Variants in USP13 observed in about 807,000 individuals in gnomAD.
The protein encoded by USP13 is ubiquitin specific peptidase 13.
A neutral mutation model predicts 107.8 loss-of-function variants in USP13; 68 were observed. The ratio of observed to expected loss-of-function variants is 0.63; its 90% CI spans 0.52 to 0.77. The LOEUF (loss-of-function observed/expected upper bound fraction) is 0.77, where lower values mean the gene tolerates loss of function less well. USP13 is among the 30% of genes least tolerant of loss of function. The pLI is 0.00. For missense variants in USP13, 945 were observed against 1,093.3 expected (o/e 0.86, Z 1.91); for synonymous variants, 377 against 389.5 (o/e 0.97, Z 0.38).
intron 1 of USP13, among the ~76,000 whole-genome samples, chr3:179,662,052 T>G (rs1328291625): frequency 6.6e-6 from 1 of 152,146 alleles, no homozygotes; most frequent in Admixed American, 6.5e-5. Context: ...TCATGCCCTT[T>G]CCATGATTTT....
chr3:179,677,520 C>T (rs1032718033), intron 1 of USP13, among the ~76,000 whole-genome samples: 6 of 151,850 alleles, frequency 4.0e-5, no homozygotes, highest in African/African-American at 1.2e-4. Flanking sequence ...GTGGAGGTTG[C>T]GTTGAGCCAA....
At chr3:179,666,457 A>T (rs1323555225) in intron 1 of USP13, among the ~76,000 whole-genome samples, 1 of 152,194 alleles carries the variant, frequency 6.6e-6, no homozygotes, top group Non-Finnish European at 1.5e-5. Flanking sequence ...GATTAGGGCG[A>T]GTAGGCTGTG....
intron 17 of USP13, 103 bp downstream of exon 17, chr3:179,761,358 G>C: frequency 7.0e-7 from 1 of 1,431,348 alleles, no homozygotes; most frequent in Admixed American, 2.3e-5. Flanking sequence ...CCTAGAAAAT[G>C]ACTTTATAGT....
In USP13 at chr3:179,655,719, T is replaced by C. The variant is rs374787275; in HGVS notation, c.168+2326T>C. On this transcript the variant is annotated intron_variant, in intron 1 of 20. Transcript: ENST00000263966. ...ACAGGCGTGTGCCACCACACCTGGCTAGTTTTGTATTTTTAGTAGAGGTGG... is the reference window on the plus strand; with the variant it reads ...ACAGGCGTGTGCCACCACACCTGGCCAGTTTTGTATTTTTAGTAGAGGTGG... Among the ~76,000 whole-genome samples, 5 of 151,966 alleles carry C rather than the reference T, an allele frequency of 3.3e-5. No individual in the cohort carries two copies. The East Asian group carries it at 7.7e-4, about 23-fold the overall frequency.
intron 13 of USP13, among the ~76,000 whole-genome samples, chr3:179,746,466 T>G (rs1166804195): frequency 6.6e-6 from 1 of 151,666 alleles, no homozygotes; most frequent in Non-Finnish European, 1.5e-5. Flanking sequence ...GAGTTTTGCT[T>G]TTGTTGCCCA....
At chr3:179,745,521 T>TCTTCCTTTCTTC (rs1338439961) in intron 13 of USP13, among the ~76,000 whole-genome samples, 30 of 148,896 alleles carry the variant, frequency 2.0e-4, no homozygotes, top group Admixed American at 7.3e-4. Context: ...TTCCTTTCTT[T>TCTTCCTTTCTTC]CTTCCTTTCT....
intron 8 of USP13, among the ~76,000 whole-genome samples, chr3:179,728,550 C>G (rs1291382870): frequency 6.6e-6 from 1 of 151,288 alleles, no homozygotes; most frequent in Non-Finnish European, 1.5e-5. Context: ...GGCGGCCAGG[C>G]AGAGACACTC....
At chr3:179,675,847 C>T (rs1429014650) in intron 1 of USP13, among the ~76,000 whole-genome samples, 1 of 152,104 alleles carries the variant, frequency 6.6e-6, no homozygotes, top group Non-Finnish European at 1.5e-5. Flanking sequence ...TGTGCCCAGC[C>T]TGTAATCTAT....
Position 179,721,637 on chromosome 3 carries a change from A to T in USP13, c.1088+48A>T. 6.3e-7 allele frequency: 1 copy of T among 1,582,492 alleles called. No homozygotes were observed. ...AGGGCACGCGGCACCTCCCTGCCCC[A>T]TCTAGGTCCAGTCCACTCAGTGTGC... On this transcript the variant is annotated intron_variant, in intron 8 of 20. Transcript: ENST00000263966. The surrounding 1 kb of genome is among the most constrained non-coding windows in gnomAD (Gnocchi z 4.3).
rs534302507 is a variant in USP13, at chr3:179,747,671, T to C, written c.1709+2454T>C. The stretch of plus-strand genomic sequence containing the variant: ...GCAGATTCCCTGAGCCCAGGGCTAG[T>C]GGTCAGGAGACCTGGATTCTTCTCC... On this transcript the variant is annotated intron_variant, in intron 13 of 20. Transcript: ENST00000263966. Among the ~76,000 whole-genome samples, 3 of 152,304 alleles carry C rather than the reference T, an allele frequency of 2.0e-5. No individual in the cohort carries two copies. In the East Asian group the frequency reaches 5.8e-4, roughly 29 times the overall value.
At chr3:179,779,735 A>G (rs1475205298) in intron 19 of USP13, among the ~76,000 whole-genome samples, 1 of 151,596 alleles carries the variant, frequency 6.6e-6, no homozygotes, top group Admixed American at 6.6e-5. Context: ...AAAAAAAAAA[A>G]AAGAAAAAGA....
At chr3:179,684,697 A>T (rs892612546) in intron 2 of USP13, among the ~76,000 whole-genome samples, 1 of 151,082 alleles carries the variant, frequency 6.6e-6, no homozygotes, top group Non-Finnish European at 1.5e-5. Flanking sequence ...TGTTGATCTT[A>T]TTTGTCTGTC....
At chr3:179,698,872 T>TA (rs11375037) in intron 3 of USP13, among the ~76,000 whole-genome samples, 1 of 15,508 alleles carries the variant, frequency 6.4e-5, no homozygotes, top group African/African-American at 1.4e-4. Context: ...TTGAATACTA[T>TA]TTTTTTTTTT....
chr3:179,695,941 T>C (rs1282118074), intron 3 of USP13, among the ~76,000 whole-genome samples: 1 of 152,172 alleles, frequency 6.6e-6, no homozygotes. Context: ...ATATTTTAAG[T>C]CTCTGAGGGA....
chr3:179,698,766 G>A (rs976828178), intron 3 of USP13, among the ~76,000 whole-genome samples: 2 of 151,974 alleles, frequency 1.3e-5, no homozygotes, highest in Non-Finnish European at 2.9e-5. Flanking sequence ...TCTTTACAGT[G>A]AAGATGAATT....
intron 12 of USP13, among the ~76,000 whole-genome samples, chr3:179,743,691 G>A (rs1714288362): frequency 6.6e-6 from 1 of 151,912 alleles, no homozygotes; most frequent in Non-Finnish European, 1.5e-5. Flanking sequence ...TCATGTCCAT[G>A]ATCTTTTTTT....
At chr3:179,684,724 A>T (rs1208915086) in intron 2 of USP13, among the ~76,000 whole-genome samples, 1 of 151,682 alleles carries the variant, frequency 6.6e-6, no homozygotes, top group Non-Finnish European at 1.5e-5. Context: ...TTGGTATGGC[A>T]AGCCTTGATA....
chr3:179,785,504 C>T lies in USP13; in HGVS notation c.*1363C>T, dbSNP rs1715893071. 1 of 152,174 alleles carries T rather than the reference C, an allele frequency of 6.6e-6. No individual in the cohort carries two copies. Among genetic ancestry groups the T allele is most frequent in the African/African-American group, 2.4e-5 (1 of 41,442 alleles). 9.4% of individuals were successfully genotyped at this position (152,174 alleles called of 1,614,324 possible). ...TCCATAATTTTCCTACTGGTCCGTA[C>T]CAAATTCTAGAGTCTCTGGAGTTGC... On this transcript the variant is annotated 3_prime_UTR_variant, in exon 21 of 21. Coordinates refer to ENST00000263966, the MANE Select transcript of USP13 (RefSeq NM_003940.3).
At chr3:179,655,556 TGTTTTG>T (rs1383355861) in intron 1 of USP13, among the ~76,000 whole-genome samples, 16 of 139,226 alleles carry the variant, frequency 1.1e-4, no homozygotes, top group Non-Finnish European at 2.0e-4. Flanking sequence ...AGGTTTTTTT[TGTTTTG>T]TTTTGTTTTT....
Sources: gnomAD v4.1 joint callset for allele counts (sites outside exome capture counted in the v4.1 genomes callset) on GRCh38, gnomAD v4.1.1 for gene constraint, Gnocchi (gnomAD v3.1) non-coding constraint, MANE v1.5 for transcripts, NCBI Gene and HGNC (gene_info 2026-07-23, HGNC 2026-07-21) for gene names.